The following MTURN variants were observed in gnomAD, a reference collection of about 807,000 sequenced individuals.
MTURN encodes maturin, neural progenitor differentiation regulator homolog.
In MTURN, 7 loss-of-function variants were observed where a neutral mutation model predicts 14.9. The ratio of observed to expected loss-of-function variants is 0.47; its 90% confidence interval spans 0.27 to 0.88. The LOEUF (loss-of-function observed/expected upper bound fraction) is 0.88, where lower values mean the gene tolerates loss of function less well. MTURN is among the 40% of genes least tolerant of loss of function. The pLI is 0.14. For synonymous variants in MTURN, 69 were observed against 72.5 expected (o/e 0.95, Z 0.25); for missense variants, 151 against 174.1 (o/e 0.87, Z 0.75).
In MTURN at chr7:30,134,990, C is replaced by G. The variant is rs1201299709; in HGVS notation, c.-147C>G. ...TCCCCGGCCGCCGCCCGCCCCACTCCGCACCGCATGTAAACAGTCCCAGCC... is the reference window on the plus strand; with the variant it reads ...TCCCCGGCCGCCGCCCGCCCCACTCGGCACCGCATGTAAACAGTCCCAGCC... On this transcript the variant is annotated 5_prime_UTR_variant, in exon 1 of 3. Transcript: ENST00000324453. 32 of 577,480 alleles carry G rather than the reference C, an allele frequency of 5.5e-5. No individual in the cohort carries two copies. Among genetic ancestry groups the G allele is most frequent in the Non-Finnish European group, 6.4e-5 (29 of 452,842 alleles). 35.8% of individuals were successfully genotyped at this position (577,480 alleles called of 1,614,324 possible). A position where few individuals can be genotyped will look rare whatever the true frequency, so the allele number is the denominator to read the frequency against.
At chr7:30,150,320 A>T (rs962684863) in intron 2 of MTURN, among the ~76,000 whole-genome samples, 1 of 152,172 alleles carries the variant, frequency 6.6e-6, no homozygotes, top group Non-Finnish European at 1.5e-5. Flanking sequence ...GGAGAGAGAA[A>T]ACAATTTGCT....
intron 1 of MTURN, among the ~76,000 whole-genome samples, chr7:30,136,518 C>T (rs932661920): frequency 1.3e-5 from 2 of 152,174 alleles, no homozygotes; most frequent in African/African-American, 4.8e-5. Flanking sequence ...CGTGGTCCTG[C>T]CGCCGAGCGC....
intron 1 of MTURN, among the ~76,000 whole-genome samples, chr7:30,140,632 G>GT (rs1302239256): frequency 2.0e-5 from 3 of 152,156 alleles, no homozygotes; most frequent in Non-Finnish European, 4.4e-5. Context: ...TACATGATTA[G>GT]TGTGGGGATG....
intron 2 of MTURN, among the ~76,000 whole-genome samples, chr7:30,155,503 T>C (rs954403406): frequency 6.6e-6 from 1 of 152,188 alleles, no homozygotes; most frequent in Non-Finnish European, 1.5e-5. Flanking sequence ...TACTAAAATC[T>C]GCAAGGGAGA....
chr7:30,140,409 G>A (rs1283596143), intron 1 of MTURN, among the ~76,000 whole-genome samples: 10 of 25,494 alleles, frequency 3.9e-4, no homozygotes, highest in African/African-American at 7.7e-4. Context: ...GTGTGTGTGT[G>A]TGTGTGTATC....
At chr7:30,136,950 T>G (rs1214081830) in intron 1 of MTURN, among the ~76,000 whole-genome samples, 2 of 152,188 alleles carry the variant, frequency 1.3e-5, no homozygotes, top group Admixed American at 6.5e-5. Context: ...GCCTTGGTTT[T>G]CCCACCTGTA....
At chr7:30,135,983 C>T (rs1384232051) in intron 1 of MTURN, among the ~76,000 whole-genome samples, 1 of 152,186 alleles carries the variant, frequency 6.6e-6, no homozygotes, top group Non-Finnish European at 1.5e-5. Flanking sequence ...CACACACACA[C>T]ATGCTCACAC....
chr7:30,149,180 G>T lies in MTURN; in HGVS notation c.285+2881G>T, dbSNP rs147839949. ...ACAAATGCGGTCCAAAAGAAATCCG[G>T]ATGTGCAGCTGAAAGCAGTTGGATT... On this transcript the variant is annotated intron_variant, in intron 2 of 2. Coordinates refer to ENST00000324453, the MANE Select transcript of MTURN (RefSeq NM_152793.3). Among the ~76,000 whole-genome samples, 26 of 152,368 alleles carry T rather than the reference G, an allele frequency of 1.7e-4. No homozygotes were observed. In the East Asian group the frequency reaches 1.9e-3, roughly 11 times the overall value.
At chr7:30,136,289 C>G (rs1478409718) in intron 1 of MTURN, among the ~76,000 whole-genome samples, 1 of 150,344 alleles carries the variant, frequency 6.7e-6, no homozygotes. Flanking sequence ...GAAGGGGATG[C>G]GGAGGGCAGG....
Position 30,159,051 on chromosome 7 carries a change from C to T in MTURN, c.*1503C>T, listed in dbSNP as rs566500989. On this transcript the variant is annotated 3_prime_UTR_variant, in exon 3 of 3. Coordinates refer to ENST00000324453, the MANE Select transcript of MTURN (RefSeq NM_152793.3). ...TAATTGATTGGTGCTGTGAGGAGTT[C>T]GGCTGCTCGTGGTAAAACAGCGTAC... 2 of 152,114 alleles carry T rather than the reference C, an allele frequency of 1.3e-5. No individual in the cohort carries two copies. The highest frequency in any genetic ancestry group is 2.4e-5 in the African/African-American group (1 of 41,414). The allele number at this position is 152,114 out of a possible 1,614,324, so 9.4% of individuals were successfully genotyped here. A position where few individuals can be genotyped will look rare whatever the true frequency, so the allele number is the denominator to read the frequency against.
Position 30,146,551 on chromosome 7 carries a change from G to C in MTURN, c.285+252G>C, listed in dbSNP as rs185112569. Among the ~76,000 whole-genome samples the C allele has an allele frequency of 5.3e-5, 8 of 152,164 alleles. No homozygotes were observed. In the East Asian group the frequency reaches 1.2e-3, roughly 22 times the overall value. On this transcript the variant is annotated intron_variant, in intron 2 of 2. Transcript: ENST00000324453. ...TCACTTGAGTTGAGAATCCCTGATG[G>C]GGGGGGAAGCAAACAGATCCTTTAT...
At chr7:30,153,085 C>T (rs1797235982) in intron 2 of MTURN, among the ~76,000 whole-genome samples, 1 of 152,144 alleles carries the variant, frequency 6.6e-6, no homozygotes, top group Non-Finnish European at 1.5e-5. Flanking sequence ...ATATACCAGT[C>T]ACTTTCGTTT....
intron 2 of MTURN, among the ~76,000 whole-genome samples, chr7:30,152,080 GA>G (rs1797220246): frequency 6.6e-6 from 1 of 152,060 alleles, no homozygotes; most frequent in Non-Finnish European, 1.5e-5. Flanking sequence ...AGTCTGATGA[GA>G]AAAGATTATG....
intron 2 of MTURN, among the ~76,000 whole-genome samples, chr7:30,150,028 A>G (rs79329652): frequency 1.3e-5 from 2 of 152,214 alleles, no homozygotes; most frequent in African/African-American, 4.8e-5. Flanking sequence ...GGCTACCCGG[A>G]TTTAAGTCTC....
chr7:30,144,174 A>C (rs2128031267), intron 1 of MTURN, among the ~76,000 whole-genome samples: 2 of 152,350 alleles, frequency 1.3e-5, no homozygotes, highest in Admixed American at 1.3e-4. Context: ...ACTGCATGTC[A>C]GCTAGGCACT....
chr7:30,150,647 T>C (rs1797197280), intron 2 of MTURN, among the ~76,000 whole-genome samples: 1 of 152,252 alleles, frequency 6.6e-6, no homozygotes. Flanking sequence ...AGTATCAGTG[T>C]GAGCAGGCTC....
At chr7:30,150,674 A>G (rs1462210874) in intron 2 of MTURN, among the ~76,000 whole-genome samples, 1 of 152,256 alleles carries the variant, frequency 6.6e-6, no homozygotes, top group Non-Finnish European at 1.5e-5. Context: ...GAACAAAGCC[A>G]GGCAGTGGCT....
At chr7:30,148,204 T>C (rs1248178147) in intron 2 of MTURN, among the ~76,000 whole-genome samples, 1 of 152,174 alleles carries the variant, frequency 6.6e-6, no homozygotes, top group African/African-American at 2.4e-5. Flanking sequence ...AGGTAACATT[T>C]GAGGAAAAAC....
chr7:30,146,352 T>G (rs1360568742), intron 2 of MTURN, 53 bp downstream of exon 2: 13 of 1,606,178 alleles, frequency 8.1e-6, no homozygotes, highest in African/African-American at 2.7e-5. Flanking sequence ...GTGATTGTGT[T>G]TAGAATAACA....
Sources: allele counts gnomAD v4.1 joint callset (sites outside exome capture counted in the v4.1 genomes callset), GRCh38; gene constraint gnomAD v4.1.1; transcripts MANE v1.5; gene names NCBI Gene and HGNC (gene_info 2026-07-23, HGNC 2026-07-21).